ZDHHC2: variants seen among roughly 807,000 people sequenced by gnomAD.
ZDHHC2 encodes the protein zDHHC palmitoyltransferase 2, also known as palmitoyltransferase ZDHHC2.
A neutral mutation model predicts 55.6 loss-of-function variants in ZDHHC2; 51 were observed. The observed-to-expected ratio is 0.92, with a 90% confidence interval of 0.73 to 1.16. The LOEUF (loss-of-function observed/expected upper bound fraction) is 1.16, where lower values mean the gene tolerates loss of function less well. Among genes scored for constraint, ZDHHC2 ranks in the 50% most tolerant of loss-of-function variants. The probability of loss-of-function intolerance (pLI) is 0.00; values close to 1 mark genes in which losing one functional copy is unlikely to be tolerated. For synonymous variants in ZDHHC2, 199 were observed against 152.9 expected, an observed-to-expected ratio of 1.30 and a Z score of -2.22; for missense variants, 491 against 442.4, an observed-to-expected ratio of 1.11 and a Z score of -0.99.
intron 6 of ZDHHC2, among the ~76,000 whole-genome samples, chr8:17,202,107 A>G (rs1806814357): frequency 6.6e-6 from 1 of 152,256 alleles, no homozygotes; most frequent in Admixed American, 6.5e-5. Context: ...AAGGTTAAGT[A>G]ACACAAATAA....
At chr8:17,217,866 G>C (rs1285092159) in intron 12 of ZDHHC2, among the ~76,000 whole-genome samples, 1 of 152,006 alleles carries the variant, frequency 6.6e-6, no homozygotes, top group Non-Finnish European at 1.5e-5. Flanking sequence ...TCAATAAAAA[G>C]CTACAATAAG....
rs1477020656 is a variant in ZDHHC2, at chr8:17,221,408, T to C, written c.*1187T>C. 6.6e-6 allele frequency: 1 copy of C among 152,502 alleles called. No individual in the cohort carries two copies. The highest frequency in any genetic ancestry group is 1.5e-5 in the Non-Finnish European group (1 of 67,956). The allele number at this position is 152,502 out of a possible 1,614,324, so 9.4% of individuals were successfully genotyped here. A position where few individuals can be genotyped will look rare whatever the true frequency, so the allele number is the denominator to read the frequency against. On this transcript the variant is annotated 3_prime_UTR_variant, in exon 13 of 13. Coordinates refer to ENST00000262096, the MANE Select transcript of ZDHHC2 (RefSeq NM_016353.5). ...CTATTTAAAAAAAGTTTTTTTTATT[T>C]GAGTCCAGTATAATTCATGTAAATG...
rs1267038751 is a variant in ZDHHC2, at chr8:17,199,643, C to T, written c.476+1230C>T. On this transcript the variant is annotated intron_variant, in intron 6 of 12. Coordinates refer to ENST00000262096, the MANE Select transcript of ZDHHC2 (RefSeq NM_016353.5). ...CTTCTTCCTTTCTTCTTCTTCTCCTCCTCCTCCTCCCTCCTCCCTCCTCCC... is the reference window on the plus strand; with the variant it reads ...CTTCTTCCTTTCTTCTTCTTCTCCTTCTCCTCCTCCCTCCTCCCTCCTCCC... 5.6e-3 allele frequency among the ~76,000 whole-genome samples: 302 copies of T among 54,214 alleles called. 10 individuals carry two copies. Among genetic ancestry groups the T allele is most frequent in the African/African-American group, 9.1e-3 (257 of 28,168 alleles). 35.6% of individuals were successfully genotyped at this position (54,214 alleles called of 152,430 possible).
chr8:17,197,873 T>C (rs889465011), intron 5 of ZDHHC2, among the ~76,000 whole-genome samples: 1 of 152,230 alleles, frequency 6.6e-6, no homozygotes, highest in Non-Finnish European at 1.5e-5. Flanking sequence ...CCCTGAAGTA[T>C]GTGATTTTTA....
At chr8:17,195,347 G>A (rs1806252453) in intron 3 of ZDHHC2, among the ~76,000 whole-genome samples, 157 bp from the exon 4 acceptor site, 1 of 152,134 alleles carries the variant, frequency 6.6e-6, no homozygotes, top group South Asian at 2.1e-4. Context: ...GACCTGTGAG[G>A]TGAACAGACT....
At chr8:17,186,909 C>T (rs1289810026) in intron 3 of ZDHHC2, among the ~76,000 whole-genome samples, 1 of 152,194 alleles carries the variant, frequency 6.6e-6, no homozygotes, top group Non-Finnish European at 1.5e-5. Context: ...CACGTGTAGC[C>T]TCCATTTCCA....
chr8:17,195,518 T>C lies in ZDHHC2; in HGVS notation c.267T>C (p.Tyr89=), dbSNP rs200151987. Residue 89 remains tyrosine (Y), a synonymous_variant, in exon 4 of 13, where the codon TAT becomes TAC. Coordinates refer to ENST00000262096, the MANE Select transcript of ZDHHC2 (RefSeq NM_016353.5). ...GTATTCCACAGTTCCATCTCTCTTA[T>C]GCAGAGAAAGATTTGTTGGAGAGAG... ...MNPSKEFHLS[Y]AEKDLLEREP... 40 of 1,613,456 alleles carry C rather than the reference T, an allele frequency of 2.5e-5. No individual in the cohort carries two copies. The Admixed American group carries it at 4.5e-4, about 18-fold the overall frequency.
At chr8:17,181,484 G>A (rs1339901735) in intron 1 of ZDHHC2, among the ~76,000 whole-genome samples, 1 of 152,070 alleles carries the variant, frequency 6.6e-6, no homozygotes, top group East Asian at 1.9e-4. Flanking sequence ...GTTTTCTGTT[G>A]ACAAAAATTG....
At chr8:17,168,591 T>A (rs768760040) in intron 1 of ZDHHC2, among the ~76,000 whole-genome samples, 14 of 152,168 alleles carry the variant, frequency 9.2e-5, no homozygotes, top group Non-Finnish European at 2.9e-5. Flanking sequence ...CTACTGTCCA[T>A]TTTCCAACTT....
chr8:17,183,530 C>T (rs1181170632), intron 1 of ZDHHC2, among the ~76,000 whole-genome samples: 1 of 152,136 alleles, frequency 6.6e-6, no homozygotes, highest in African/African-American at 2.4e-5. Context: ...TTCTGGAGAT[C>T]AGAAATGTTA....
chr8:17,161,213 C>T (rs897167441), intron 1 of ZDHHC2, among the ~76,000 whole-genome samples: 8 of 152,194 alleles, frequency 5.3e-5, no homozygotes, highest in African/African-American at 1.9e-4. Flanking sequence ...CTGGGGCTGT[C>T]AGTTGTTTTC....
Position 17,205,746 on chromosome 8 carries a change from G to C in ZDHHC2, c.568G>C (p.Asp190His). Residue 190 changes from aspartate to histidine, a missense_variant, in exon 7 of 13, where the codon GAT (aspartate) becomes CAT (histidine). Coordinates refer to ENST00000262096, the MANE Select transcript of ZDHHC2 (RefSeq NM_016353.5). The stretch of plus-strand genomic sequence containing the variant: ...CTACTGCCTTTTTATTGCGGCAACA[G>C]ATTTACAGTATTTTATCAAATTTTG... ...LLYCLFIAAT[D>H]LQYFIKFWTN... is the part of the protein sequence containing the mutation. 1 of 1,608,006 alleles carries C rather than the reference G, an allele frequency of 6.2e-7. No homozygotes were observed. Among genetic ancestry groups the C allele is most frequent in the Non-Finnish European group, 8.5e-7 (1 of 1,178,118 alleles).
rs796740684 is a variant in ZDHHC2, at chr8:17,178,812, T to C, written c.131-5977T>C. On this transcript the variant is annotated intron_variant, in intron 1 of 12. Coordinates refer to ENST00000262096, the MANE Select transcript of ZDHHC2 (RefSeq NM_016353.5). ...ACAGTCTCACTCTTTAACTTCAATT[T>C]TACCTGTTTTATTTTTACACAAGGA... Among the ~76,000 whole-genome samples the C allele has an allele frequency of 3.9e-5, 6 of 152,216 alleles. No homozygotes were observed. In the South Asian group the frequency reaches 1.2e-3, roughly 32 times the overall value.
chr8:17,170,004 C>G (rs1177735677), intron 1 of ZDHHC2, among the ~76,000 whole-genome samples: 2 of 152,130 alleles, frequency 1.3e-5, no homozygotes, highest in African/African-American at 4.8e-5. Context: ...CAGATAATGA[C>G]AATGTCAGAT....
intron 11 of ZDHHC2, 82 bp from the exon 12 acceptor site, chr8:17,217,090 T>A: frequency 7.2e-7 from 1 of 1,387,620 alleles, no homozygotes; most frequent in Non-Finnish European, 1.0e-6. Flanking sequence ...ACCAAGGGAT[T>A]CCTTATTCAT....
chr8:17,174,094 T>C (rs1805002744), intron 1 of ZDHHC2, among the ~76,000 whole-genome samples: 1 of 150,398 alleles, frequency 6.6e-6, no homozygotes, highest in African/African-American at 2.4e-5. Context: ...CTTCTTCTTC[T>C]TCTTTTTTTT....
At chr8:17,185,130 T>C (rs1585680469) in intron 2 of ZDHHC2, among the ~76,000 whole-genome samples, 1 of 152,330 alleles carries the variant, frequency 6.6e-6, no homozygotes, top group East Asian at 1.9e-4. Context: ...AAAAATATTG[T>C]TGGCTTTAGT....
chr8:17,195,878 A>T (rs1306584903), intron 4 of ZDHHC2, among the ~76,000 whole-genome samples: 1 of 152,220 alleles, frequency 6.6e-6, no homozygotes, highest in Non-Finnish European at 1.5e-5. Flanking sequence ...GTTATGACTC[A>T]GTGAAGATGT....
intron 6 of ZDHHC2, among the ~76,000 whole-genome samples, chr8:17,199,500 T>G (rs62497329): frequency 0.57 from 62,641 of 109,308 alleles, 18,651 homozygotes; most frequent in Non-Finnish European, 0.69. Context: ...CTTCTTCTTC[T>G]TCTTCTTCTT....
Sources: gnomAD v4.1 joint callset for allele counts (sites outside exome capture counted in the v4.1 genomes callset) on GRCh38, gnomAD v4.1.1 for gene constraint, MANE v1.5 for transcripts, NCBI Gene and HGNC (gene_info 2026-07-23, HGNC 2026-07-21) for gene names.